The following SLA variants were observed in gnomAD, a reference collection of about 807,000 sequenced individuals.
The protein encoded by SLA is Src like adaptor.
Under a neutral mutation model 30.3 loss-of-function variants are expected in SLA, and 16 were observed. The ratio of observed to expected loss-of-function variants is 0.53; its 90% confidence interval spans 0.36 to 0.80. The LOEUF (loss-of-function observed/expected upper bound fraction) is 0.80, where lower values mean the gene tolerates loss of function less well. SLA is among the 30% of genes least tolerant of loss of function. SLA has a pLI of 0.01. For missense variants in SLA, 310 were observed against 345.2 expected (o/e 0.90, Z 0.81); for synonymous variants, 143 against 137.8 (o/e 1.04, Z -0.26).
intron 6 of SLA, among the ~76,000 whole-genome samples, chr8:133,045,615 G>A (rs969271597): frequency 2.6e-5 from 4 of 151,898 alleles, no homozygotes; most frequent in African/African-American, 4.8e-5. Flanking sequence ...GGCTGATCTC[G>A]AACTCCTGGA....
intron 2 of SLA, among the ~76,000 whole-genome samples, chr8:133,072,184 G>GAGTGAAGT (rs1844161761): frequency 6.6e-6 from 1 of 152,184 alleles, no homozygotes; most frequent in South Asian, 2.1e-4. Flanking sequence ...TGGTGCTAAG[G>GAGTGAAGT]AGCGAAGTGT....
At chr8:133,068,153 A>G (rs1164730329) in intron 2 of SLA, among the ~76,000 whole-genome samples, 1 of 152,244 alleles carries the variant, frequency 6.6e-6, no homozygotes, top group Non-Finnish European at 1.5e-5. Flanking sequence ...AAAGGCTCAG[A>G]GAGGGCAAGC....
intron 1 of SLA, among the ~76,000 whole-genome samples, chr8:133,097,522 A>C (rs1274102620): frequency 6.6e-6 from 1 of 152,250 alleles, no homozygotes; most frequent in Non-Finnish European, 1.5e-5. Context: ...TACTGGCTTA[A>C]GTGATGCCTC....
At chr8:133,071,352 G>C (rs1238702486) in intron 2 of SLA, among the ~76,000 whole-genome samples, 1 of 152,208 alleles carries the variant, frequency 6.6e-6, no homozygotes, top group East Asian at 1.9e-4. Flanking sequence ...CTGGAATCCA[G>C]GCATCTGGCT....
intron 2 of SLA, among the ~76,000 whole-genome samples, chr8:133,061,552 C>T (rs1008348763): frequency 6.6e-6 from 1 of 152,186 alleles, no homozygotes; most frequent in Non-Finnish European, 1.5e-5. Context: ...AGGGAAGCCA[C>T]GTTCCCTCTG....
intron 3 of SLA, among the ~76,000 whole-genome samples, chr8:133,055,331 C>T (rs1460670987): frequency 2.0e-5 from 3 of 151,260 alleles, no homozygotes; most frequent in African/African-American, 7.3e-5. Context: ...GCCTGACTTT[C>T]AGTGTCATCT....
intron 6 of SLA, chr8:133,047,077 A>G (rs1342553161): frequency 1.3e-5 from 2 of 152,244 alleles, no homozygotes; most frequent in Non-Finnish European, 1.5e-5. Flanking sequence ...GTACTCTCCT[A>G]CTGTAAATCT....
At chr8:133,068,378 G>C (rs551020593) in intron 2 of SLA, among the ~76,000 whole-genome samples, 6 of 152,324 alleles carry the variant, frequency 3.9e-5, no homozygotes, top group African/African-American at 1.4e-4. Context: ...TGGGCTTTAT[G>C]CTAAGACCAG....
chr8:133,057,056 T>G (rs1186121556), intron 3 of SLA, among the ~76,000 whole-genome samples: 1 of 151,866 alleles, frequency 6.6e-6, no homozygotes, highest in Non-Finnish European at 1.5e-5. Flanking sequence ...GTTTGAGAGG[T>G]CCCTACCTCC....
intron 2 of SLA, among the ~76,000 whole-genome samples, chr8:133,071,974 A>G (rs186768576): frequency 6.6e-6 from 1 of 152,316 alleles, no homozygotes; most frequent in East Asian, 1.9e-4. Flanking sequence ...TTGTATATAA[A>G]CTGCCTGGCA....
At chr8:133,045,689 C>T (rs965685925) in intron 6 of SLA, among the ~76,000 whole-genome samples, 2 of 152,308 alleles carry the variant, frequency 1.3e-5, no homozygotes, top group Admixed American at 6.5e-5. Context: ...GCTACCATGC[C>T]GGGCCTCATC....
chr8:133,048,815 G>C (rs2253035), intron 5 of SLA: 41,885 of 169,634 alleles, frequency 0.25, 5,540 homozygotes, highest in Non-Finnish European at 0.29. Context: ...CATGGAAGTG[G>C]CATCTGGTAT....
chr8:133,100,729 C>T (rs931780604), intron 1 of SLA, among the ~76,000 whole-genome samples: 1 of 152,200 alleles, frequency 6.6e-6, no homozygotes, highest in Non-Finnish European at 1.5e-5. Context: ...CAACGGTATG[C>T]TGGGTACTGA....
chr8:133,043,282 G>T (rs1284107350), intron 7 of SLA, among the ~76,000 whole-genome samples: 1 of 152,024 alleles, frequency 6.6e-6, no homozygotes, highest in Non-Finnish European at 1.5e-5. Flanking sequence ...TAGAAGCTTT[G>T]CTAGGACAGC....
At chr8:133,067,783 A>G (rs1207894010) in intron 2 of SLA, among the ~76,000 whole-genome samples, 3 of 148,506 alleles carry the variant, frequency 2.0e-5, no homozygotes, top group African/African-American at 7.5e-5. Context: ...ATCTAGAAAG[A>G]AAGAAAGAAA....
At position 133,038,349 on chromosome 8, in the gene SLA, C is replaced by T. The variant is rs1032602901; in HGVS notation, c.*175G>A. 1.6e-6 allele frequency: 1 copy of T among 614,308 alleles called. No homozygotes were observed. The highest frequency in any genetic ancestry group is 2.9e-6 in the Non-Finnish European group (1 of 345,708). 38.1% of individuals were successfully genotyped at this position (614,308 alleles called of 1,614,324 possible). On this transcript the variant is annotated 3_prime_UTR_variant, in exon 9 of 9. Coordinates refer to ENST00000338087, the MANE Select transcript of SLA (RefSeq NM_001045556.3). ...CCTGATCAGACACCAGGGAGGGGTTCCTTTGGTCATGATGTGGATAGAGAA... is the reference window on the plus strand; with the variant it reads ...CCTGATCAGACACCAGGGAGGGGTTTCTTTGGTCATGATGTGGATAGAGAA...
At chr8:133,075,556 T>C (rs1205473319) in intron 1 of SLA, among the ~76,000 whole-genome samples, 2 of 152,156 alleles carry the variant, frequency 1.3e-5, no homozygotes, top group African/African-American at 2.4e-5. Flanking sequence ...ATGGTAATAA[T>C]AGTGTGGTTA....
intron 2 of SLA, chr8:133,063,531 G>A (rs1019046339): frequency 7.9e-5 from 12 of 151,842 alleles, no homozygotes; most frequent in African/African-American, 2.7e-4. Context: ...CTTTAAACTT[G>A]CATTGTTGAG....
At chr8:133,069,891 C>T (rs901680018) in intron 2 of SLA, among the ~76,000 whole-genome samples, 2 of 149,824 alleles carry the variant, frequency 1.3e-5, no homozygotes, top group African/African-American at 2.5e-5. Flanking sequence ...ATCCCAGCTA[C>T]TTGGGAGGCT....
Sources: gnomAD v4.1 joint callset for allele counts (sites outside exome capture counted in the v4.1 genomes callset) on GRCh38, gnomAD v4.1.1 for gene constraint, MANE v1.5 for transcripts, NCBI Gene and HGNC (gene_info 2026-07-23, HGNC 2026-07-21) for gene names.